PTPRD: variants seen among roughly 807,000 people sequenced by gnomAD.
The protein encoded by PTPRD is receptor-type tyrosine-protein phosphatase delta.
A neutral mutation model predicts 214.5 loss-of-function variants in PTPRD; 34 were observed. The ratio of observed to expected loss-of-function variants is 0.16; its 90% CI spans 0.12 to 0.21. PTPRD has a LOEUF of 0.21. Among genes scored for constraint, PTPRD ranks in the 10% least tolerant of loss-of-function variants. The pLI is 1.00. For synonymous variants in PTPRD, 1,128 were observed against 845.7 expected (o/e 1.33, Z -5.79); for missense variants, 2,545 against 2,398.7 (o/e 1.06, Z -1.27).
At chr9:8,394,865 A>G (rs1399355310) in intron 36 of PTPRD, among the ~76,000 whole-genome samples, 4 of 152,104 alleles carry the variant, frequency 2.6e-5, no homozygotes, top group East Asian at 1.9e-4. Context: ...GGGGCAAAAA[A>G]TAAACAAAAA....
At chr9:9,028,939 G>C (rs959765626) in intron 10 of PTPRD, among the ~76,000 whole-genome samples, 3 of 151,694 alleles carry the variant, frequency 2.0e-5, no homozygotes, top group Non-Finnish European at 4.4e-5. Flanking sequence ...AAAATGGGGG[G>C]CATAGAGTAT....
At chr9:10,160,381 A>G (rs2099120248) in intron 3 of PTPRD, among the ~76,000 whole-genome samples, 1 of 152,090 alleles carries the variant, frequency 6.6e-6, no homozygotes, top group Non-Finnish European at 1.5e-5. Context: ...AGAAAAGCCC[A>G]GAATCTGTTG....
At chr9:9,605,264 T>A (rs2154340605) in intron 7 of PTPRD, among the ~76,000 whole-genome samples, 1 of 152,182 alleles carries the variant, frequency 6.6e-6, no homozygotes, top group South Asian at 2.1e-4. Context: ...ACCTAATATG[T>A]ATAAAGCACT....
chr9:9,459,458 A>G (rs2093424641), intron 8 of PTPRD, among the ~76,000 whole-genome samples: 1 of 152,112 alleles, frequency 6.6e-6, no homozygotes, highest in South Asian at 2.1e-4. Flanking sequence ...AAAACTCTGA[A>G]GATTCTTCCA....
chr9:8,377,563 G>C lies in PTPRD; in HGVS notation c.4387-837C>G, dbSNP rs1317115807. Among the ~76,000 whole-genome samples the C allele has an allele frequency of 2.0e-5, 3 of 151,970 alleles. No homozygotes were observed. In the South Asian group the frequency reaches 6.2e-4, roughly 31 times the overall value. ...ACAAACACAGCACAATATTTTTGGA[G>C]TAAGGCCATAGATCTGACTATATTT... On this transcript the variant is annotated intron_variant, in intron 37 of 45. Transcript: ENST00000381196.
intron 5 of PTPRD, among the ~76,000 whole-genome samples, chr9:9,809,009 T>A (rs1260328660): frequency 2.6e-5 from 4 of 151,496 alleles, no homozygotes; most frequent in Admixed American, 2.6e-4. Flanking sequence ...TAGTCTCAAA[T>A]TTTTAGCCTC....
At chr9:9,241,399 T>C (rs2130969028) in intron 9 of PTPRD, among the ~76,000 whole-genome samples, 1 of 152,266 alleles carries the variant, frequency 6.6e-6, no homozygotes, top group Admixed American at 6.5e-5. Context: ...AATATTCTCT[T>C]TGTAATAGGA....
chr9:8,329,109 G>T (rs924173640), intron 44 of PTPRD, among the ~76,000 whole-genome samples: 20 of 152,126 alleles, frequency 1.3e-4, no homozygotes, highest in Non-Finnish European at 1.9e-4. Flanking sequence ...GAGAAGAGGC[G>T]TGCTGGTTTT....
chr9:9,002,287 A>G (rs1417357641), intron 11 of PTPRD, among the ~76,000 whole-genome samples: 1 of 151,976 alleles, frequency 6.6e-6, no homozygotes. Flanking sequence ...AATATTAATG[A>G]GGCACTGAAG....
intron 11 of PTPRD, among the ~76,000 whole-genome samples, chr9:8,770,553 C>A (rs2095128838): frequency 6.6e-6 from 1 of 152,100 alleles, no homozygotes; most frequent in African/African-American, 2.4e-5. Flanking sequence ...TAGTCAATCC[C>A]TCTAGGAAAC....
At chr9:10,363,145 T>G (rs2097428542) in intron 2 of PTPRD, among the ~76,000 whole-genome samples, 1 of 152,194 alleles carries the variant, frequency 6.6e-6, no homozygotes, top group African/African-American at 2.4e-5. Context: ...TTCTCAAATT[T>G]TAATATTTAT....
At chr9:10,190,526 T>C (rs1350298473) in intron 3 of PTPRD, among the ~76,000 whole-genome samples, 2 of 149,330 alleles carry the variant, frequency 1.3e-5, no homozygotes, top group African/African-American at 2.5e-5. Flanking sequence ...AAGACTAGCC[T>C]GGCCAACATG....
rs116082302 is a variant in PTPRD, at chr9:9,703,233, A to G, written c.-287+31300T>C. On this transcript the variant is annotated intron_variant, in intron 7 of 45. Coordinates refer to ENST00000381196, the MANE Select transcript of PTPRD (RefSeq NM_002839.4). ...GCCTGCTTCCCTTTCACCTTCTGCC[A>G]TGATTTTAAGTTTCCAGAGGCCTTC... 2.3e-3 allele frequency among the ~76,000 whole-genome samples: 346 copies of G among 152,222 alleles called. 5 individuals carry two copies. Among genetic ancestry groups the G allele is most frequent in the African/African-American group, 8.0e-3 (332 of 41,520 alleles).
chr9:8,813,313 A>C (rs554341700), intron 11 of PTPRD, among the ~76,000 whole-genome samples: 20 of 152,302 alleles, frequency 1.3e-4, no homozygotes, highest in Non-Finnish European at 2.4e-4. Flanking sequence ...ACCAGCCACA[A>C]AGGAATAGCT....
At chr9:10,114,114 G>T (rs1280828862) in intron 3 of PTPRD, among the ~76,000 whole-genome samples, 1 of 152,188 alleles carries the variant, frequency 6.6e-6, no homozygotes, top group Non-Finnish European at 1.5e-5. Flanking sequence ...GGAACATGCT[G>T]TGGAAATCAA....
intron 7 of PTPRD, among the ~76,000 whole-genome samples, chr9:9,640,617 A>T (rs1310637873): frequency 6.6e-6 from 1 of 152,208 alleles, no homozygotes; most frequent in African/African-American, 2.4e-5. Context: ...AAGTATGAAG[A>T]TTCTAATCAT....
intron 9 of PTPRD, among the ~76,000 whole-genome samples, chr9:9,319,239 C>T (rs554517709): frequency 3.1e-4 from 47 of 152,230 alleles, no homozygotes; most frequent in African/African-American, 1.1e-3. Flanking sequence ...TGCAATTGTG[C>T]TTTTGCTTTG....
chr9:8,907,297 T>C (rs2098714482), intron 11 of PTPRD, among the ~76,000 whole-genome samples: 2 of 151,932 alleles, frequency 1.3e-5, no homozygotes, highest in Admixed American at 6.6e-5. Flanking sequence ...CAATATGAAT[T>C]CTATTCAGGA....
chr9:10,570,101 A>G (rs1248598362), intron 2 of PTPRD, among the ~76,000 whole-genome samples: 1 of 152,094 alleles, frequency 6.6e-6, no homozygotes, highest in Non-Finnish European at 1.5e-5. Flanking sequence ...CTAAAAAATA[A>G]AAAAAAGAAT....
Sources: gnomAD v4.1 joint callset for allele counts (sites outside exome capture counted in the v4.1 genomes callset) on GRCh38, gnomAD v4.1.1 for gene constraint, MANE v1.5 for transcripts, NCBI Gene and HGNC (gene_info 2026-07-23, HGNC 2026-07-21) for gene names.